The following STK32B variants were observed in gnomAD, a reference collection of about 807,000 sequenced individuals.
STK32B encodes serine/threonine kinase 32B.
A neutral mutation model predicts 52.6 loss-of-function variants in STK32B; 43 were observed. The observed-to-expected ratio is 0.82, with a 90% CI of 0.64 to 1.05. The LOEUF (loss-of-function observed/expected upper bound fraction) is 1.05. STK32B is among the 50% of genes least tolerant of loss of function. STK32B has a pLI of 0.00. For missense variants in STK32B, 621 were observed against 534.6 expected (o/e 1.16, Z -1.59); for synonymous variants, 238 against 204.3 (o/e 1.17, Z -1.41).
chr4:5,178,684 C>T (rs543793495), intron 3 of STK32B, among the ~76,000 whole-genome samples: 1 of 152,330 alleles, frequency 6.6e-6, no homozygotes, highest in African/African-American at 2.4e-5. Flanking sequence ...GTTCAAAGTT[C>T]CACAGATCTC....
At chr4:5,363,098 G>C (rs113127493) in intron 4 of STK32B, among the ~76,000 whole-genome samples, 127 of 152,202 alleles carry the variant, frequency 8.3e-4, no homozygotes, top group African/African-American at 2.0e-3. Context: ...TCTTCCACTA[G>C]GTTTCTGTCC....
chr4:5,042,318 A>T, the STK32B span, among the ~76,000 whole-genome samples: 1 of 152,212 alleles, frequency 6.6e-6, no homozygotes, highest in African/African-American at 2.4e-5. Flanking sequence ...CTCAGCACAT[A>T]TAAGTAGTTG....
intron 3 of STK32B, among the ~76,000 whole-genome samples, chr4:5,211,798 C>T (rs1314779124): frequency 1.3e-5 from 2 of 152,190 alleles, no homozygotes; most frequent in African/African-American, 4.8e-5. Context: ...GAAAAGTAAA[C>T]AAACTCGCAT....
chr4:5,149,648 G>A (rs1245336088), intron 2 of STK32B, among the ~76,000 whole-genome samples: 3 of 151,790 alleles, frequency 2.0e-5, no homozygotes, highest in African/African-American at 7.2e-5. Context: ...TCCTTATAGT[G>A]TAGGTGTCAA....
At chr4:5,232,508 C>G (rs993368663) in intron 3 of STK32B, among the ~76,000 whole-genome samples, 1 of 152,130 alleles carries the variant, frequency 6.6e-6, no homozygotes, top group African/African-American at 2.4e-5. Flanking sequence ...TCACTAAATT[C>G]CAAGTTAAGG....
In STK32B at chr4:5,108,543, G is replaced by A. The variant is rs77508322; in HGVS notation, c.53-31362G>A. On this transcript the variant is annotated intron_variant, in intron 1 of 11. Coordinates refer to ENST00000282908, the MANE Select transcript of STK32B (RefSeq NM_018401.3). ...CTGGAAGAGTTTACTTAATTTTGTC[G>A]TTTTTAATATTTCAATGGAAGAGTT... Among the ~76,000 whole-genome samples, 427 of 152,170 alleles carry A rather than the reference G, an allele frequency of 2.8e-3. 15 individuals are homozygous for A. The East Asian group carries it at 0.065, about 23-fold the overall frequency.
Position 5,062,196 on chromosome 4 carries a change from G to A in STK32B, c.52+10281G>A, listed in dbSNP as rs28490349. Among the ~76,000 whole-genome samples the A allele has an allele frequency of 7.0e-3, 1,072 of 152,178 alleles. 19 individuals carry two copies. Among genetic ancestry groups the A allele is most frequent in the African/African-American group, 0.024 (994 of 41,514 alleles). On this transcript the variant is annotated intron_variant, in intron 1 of 11. Coordinates refer to ENST00000282908, the MANE Select transcript of STK32B (RefSeq NM_018401.3). ...CTCCTCACTTTCATAACAGAGCTTC[G>A]TGAAGAAGCAGCCCACACTTGGTGT...
Position 5,159,979 on chromosome 4 carries a change from T to G in STK32B, c.109-8320T>G, listed in dbSNP as rs77893817. On this transcript the variant is annotated intron_variant, in intron 2 of 11. Transcript: ENST00000282908. ...TTCCTCTCCTGGGAAGTCAGTCTTT[T>G]ACTTCATTCAGGCCTTCAACAGGTT... Among the ~76,000 whole-genome samples, 524 of 152,106 alleles carry G rather than the reference T, an allele frequency of 3.4e-3. 13 individuals are homozygous for G. The East Asian group carries it at 0.055, about 16-fold the overall frequency.
At chr4:5,316,378 TTA>T (rs545844351) in intron 3 of STK32B, among the ~76,000 whole-genome samples, 17 of 32,390 alleles carry the variant, frequency 5.2e-4, no homozygotes, top group Non-Finnish European at 5.4e-4. Context: ...TATATATTAA[TTA>T]TATATATAAT....
At position 5,395,225 on chromosome 4, in the gene STK32B, A is replaced by G. The variant is rs541899418; in HGVS notation, c.435-2982A>G. ...CCAAGACAGAGTCATATAATGTAAC[A>G]TAATCCCGGGACTGCCATCCCACCA... On this transcript the variant is annotated intron_variant, in intron 4 of 11. Coordinates refer to ENST00000282908, the MANE Select transcript of STK32B (RefSeq NM_018401.3). The surrounding 1 kb of genome is among the most constrained non-coding windows in gnomAD (Gnocchi z 4.4). 1.3e-5 allele frequency among the ~76,000 whole-genome samples: 2 copies of G among 152,334 alleles called. No homozygotes were observed. Among genetic ancestry groups the G allele is most frequent in the East Asian group, 3.9e-4 (2 of 5,184 alleles).
intron 3 of STK32B, among the ~76,000 whole-genome samples, chr4:5,292,216 C>A (rs1290140307): frequency 6.6e-6 from 1 of 152,112 alleles, no homozygotes; most frequent in Non-Finnish European, 1.5e-5. Flanking sequence ...TGAAGAGTCT[C>A]CAAATTGCTT....
At chr4:5,219,778 A>T (rs1355956160) in intron 3 of STK32B, among the ~76,000 whole-genome samples, 1 of 152,212 alleles carries the variant, frequency 6.6e-6, no homozygotes, top group Non-Finnish European at 1.5e-5. Flanking sequence ...CTGCCCCAGG[A>T]TGCTGTCTTG....
At chr4:5,205,418 AC>A (rs1465330906) in intron 3 of STK32B, among the ~76,000 whole-genome samples, 2 of 151,574 alleles carry the variant, frequency 1.3e-5, no homozygotes, top group African/African-American at 4.9e-5. Context: ...TAACTAATAC[AC>A]CTCCCCTCCC....
the STK32B span, among the ~76,000 whole-genome samples, chr4:5,038,101 T>G: frequency 2.0e-5 from 3 of 152,222 alleles, no homozygotes; most frequent in Non-Finnish European, 4.4e-5. Flanking sequence ...ATTTCAGTAT[T>G]GGAAAAATGC....
intron 3 of STK32B, among the ~76,000 whole-genome samples, chr4:5,220,073 G>GA (rs1486236879): frequency 6.6e-6 from 1 of 151,972 alleles, no homozygotes; most frequent in African/African-American, 2.4e-5. Flanking sequence ...TGTTTGAAAG[G>GA]AAAAAAAGAC....
chr4:5,180,991 G>A (rs1375247365), intron 3 of STK32B, among the ~76,000 whole-genome samples: 1 of 152,162 alleles, frequency 6.6e-6, no homozygotes, highest in Non-Finnish European at 1.5e-5. Context: ...CTGCACCCCA[G>A]AGAGTGAGGG....
At chr4:5,069,190 CTTTT>C (rs11309394) in intron 1 of STK32B, among the ~76,000 whole-genome samples, 7 of 99,572 alleles carry the variant, frequency 7.0e-5, no homozygotes, top group Admixed American at 1.1e-4. Flanking sequence ...GGCAGGTTCT[CTTTT>C]TTTTTTTTTT....
chr4:5,040,665 T>C, the STK32B span, among the ~76,000 whole-genome samples: 1 of 152,176 alleles, frequency 6.6e-6, no homozygotes, highest in South Asian at 2.1e-4. Context: ...GTGCTGGGAT[T>C]ACAGGTGCCA....
chr4:5,151,911 G>A (rs1487344366), intron 2 of STK32B, among the ~76,000 whole-genome samples: 1 of 152,028 alleles, frequency 6.6e-6, no homozygotes, highest in African/African-American at 2.4e-5. Context: ...GGAGAACACC[G>A]CCCCCTCCTC....
Sources: gnomAD v4.1 joint callset for allele counts (sites outside exome capture counted in the v4.1 genomes callset) on GRCh38, gnomAD v4.1.1 for gene constraint, Gnocchi (gnomAD v3.1) non-coding constraint, MANE v1.5 for transcripts, NCBI Gene and HGNC (gene_info 2026-07-23, HGNC 2026-07-21) for gene names.